DNAH6: variants seen among roughly 807,000 people sequenced by gnomAD.
The protein encoded by DNAH6 is dynein axonemal heavy chain 6.
A neutral mutation model predicts 491.4 loss-of-function variants in DNAH6; 340 were observed. The ratio of observed to expected loss-of-function variants is 0.69; its 90% CI spans 0.63 to 0.76. The LOEUF is 0.76. Among genes scored for constraint, DNAH6 ranks in the 30% least tolerant of loss-of-function variants. The pLI, the probability that DNAH6 is intolerant of heterozygous loss-of-function variation, is 0.00. For missense variants in DNAH6, 4,443 were observed against 4,972.2 expected (o/e 0.89, Z 3.20); for synonymous variants, 1,603 against 1,686.1 (o/e 0.95, Z 1.21).
chr2:84,492,249 C>T, the DNAH6 span, among the ~76,000 whole-genome samples: 1 of 152,278 alleles, frequency 6.6e-6, no homozygotes, highest in East Asian at 1.9e-4. Context: ...GTAGGCTACC[C>T]ACCTTCAAAT....
chr2:84,605,632 C>A, intron 20 of DNAH6, 40 bp downstream of exon 20: 1 of 1,275,714 alleles, frequency 7.8e-7, no homozygotes, highest in Non-Finnish European at 1.1e-6. Flanking sequence ...GTAAAGATCC[C>A]AGCCACACCT....
rs1432436836 is a variant in DNAH6, at chr2:84,621,448, C to T, written c.3968C>T (p.Thr1323Ile). Residue 1323 changes from threonine (T) to isoleucine (I), a missense_variant, in exon 26 of 77, where the codon ACT becomes ATT. This residue lies in a region of DNAH6 where 2,977 missense variants were observed against 3,296.6 expected (regional missense o/e 0.90). Transcript: ENST00000389394. ...VAGHPSQVIL[T>I]VSQIMWCRDL... Reference sequence around the variant, plus strand: ...CATGTTTTCTTGCAGGTTATCCTGACTGTTTCTCAAATTATGTGGTGCCGT... The same window carrying T: ...CATGTTTTCTTGCAGGTTATCCTGATTGTTTCTCAAATTATGTGGTGCCGT... 8 of 1,540,196 alleles carry T rather than the reference C, an allele frequency of 5.2e-6. No homozygotes were observed. Among genetic ancestry groups the T allele is most frequent in the Non-Finnish European group, 7.0e-6 (8 of 1,137,164 alleles).
the DNAH6 span, among the ~76,000 whole-genome samples, chr2:84,490,418 T>C: frequency 6.6e-6 from 1 of 151,852 alleles, no homozygotes; most frequent in Non-Finnish European, 1.5e-5. Flanking sequence ...AATCAAAATA[T>C]AGAACTCCTC....
In DNAH6 at chr2:84,778,608, C is replaced by T. The variant is rs138585751; in HGVS notation, c.10704-2885C>T. Among the ~76,000 whole-genome samples the T allele has an allele frequency of 4.6e-5, 7 of 151,974 alleles. No individual in the cohort carries two copies. The East Asian group carries it at 1.4e-3, about 29-fold the overall frequency. On this transcript the variant is annotated intron_variant, in intron 64 of 76. Transcript: ENST00000389394. The stretch of plus-strand genomic sequence containing the variant: ...TCAACCTCCCCAGGGTCAGGTGATC[C>T]TCCCTCCTGTACCTCCCAAGTAGCT...
chr2:84,797,631 G>A lies in DNAH6; in HGVS notation c.11454G>A (p.Met3818Ile). ...TCGATGACCCAGAAATTTTTGGAAT[G>A]CATGAAAATGCTAATCTAGTCTTCC... ...PLIDDPEIFG[M>I]HENANLVFQY... is the part of the protein sequence containing the mutation. Residue 3818 changes from methionine (M) to isoleucine (I), a missense_variant, in exon 70 of 77, where the codon ATG becomes ATA. By Grantham distance (10) the Met-to-Ile change is conservative. This residue lies in a region of DNAH6 where 1,463 missense variants were observed against 1,656.6 expected (regional missense o/e 0.88). Coordinates refer to ENST00000389394, the MANE Select transcript of DNAH6 (RefSeq NM_001370.2). 6.4e-7 allele frequency: 1 copy of A among 1,551,302 alleles called. No homozygotes were observed. Among genetic ancestry groups the A allele is most frequent in the Non-Finnish European group, 8.7e-7 (1 of 1,146,686 alleles).
chr2:84,535,639 C>G (rs1477022489), intron 4 of DNAH6, among the ~76,000 whole-genome samples: 1 of 150,660 alleles, frequency 6.6e-6, no homozygotes, highest in Non-Finnish European at 1.5e-5. Context: ...TGTGATTTTA[C>G]CAGCTTGTGT....
the DNAH6 span, among the ~76,000 whole-genome samples, chr2:84,507,921 T>G: frequency 1.3e-5 from 2 of 152,228 alleles, no homozygotes; most frequent in East Asian, 1.9e-4. Flanking sequence ...TGAAGCCCAC[T>G]TGATCGTGGT....
At position 84,713,269 on chromosome 2, in the gene DNAH6, A is replaced by G; in HGVS notation, c.9543+10A>G. Reference sequence around the variant, plus strand: ...CCACTATCTGCCTGAGGTATGAACTACTGGTCTGGAATTCTCAACTTAACT... The same window carrying G: ...CCACTATCTGCCTGAGGTATGAACTGCTGGTCTGGAATTCTCAACTTAACT... On this transcript the variant is annotated intron_variant, in intron 57 of 76. Coordinates refer to ENST00000389394, the MANE Select transcript of DNAH6 (RefSeq NM_001370.2). 2.6e-6 allele frequency: 4 copies of G among 1,549,528 alleles called. No individual in the cohort carries two copies. Among genetic ancestry groups the G allele is most frequent in the Non-Finnish European group, 1.7e-6 (2 of 1,145,690 alleles).
rs1355357321 is a variant in DNAH6, at chr2:84,652,766, TACTA to T, written c.5079-549_5079-546del. On this transcript the variant is annotated intron_variant, in intron 33 of 76. Coordinates refer to ENST00000389394, the MANE Select transcript of DNAH6 (RefSeq NM_001370.2). Reference sequence around the variant, plus strand: ...TCTTTTTTCCCATTGAAACATCTCATACTAACTGTTTCCTATAGAAATAGTCACA... The same window carrying T: ...TCTTTTTTCCCATTGAAACATCTCATACTGTTTCCTATAGAAATAGTCACA... 2.0e-5 allele frequency among the ~76,000 whole-genome samples: 3 copies of T among 152,178 alleles called. No individual in the cohort carries two copies. The East Asian group carries it at 5.8e-4, about 29-fold the overall frequency.
intron 40 of DNAH6, among the ~76,000 whole-genome samples, chr2:84,675,493 A>G (rs746278187): frequency 2.6e-5 from 4 of 151,810 alleles, no homozygotes; most frequent in Non-Finnish European, 5.9e-5. Flanking sequence ...CTTCACCCCT[A>G]TGGCCTTGTC....
the DNAH6 span, among the ~76,000 whole-genome samples, chr2:84,507,052 C>A: frequency 6.6e-6 from 1 of 152,114 alleles, no homozygotes; most frequent in Non-Finnish European, 1.5e-5. Flanking sequence ...ACTGCAGGCT[C>A]TTTTTTGGTT....
chr2:84,555,421 T>C (rs1323653313), intron 10 of DNAH6, among the ~76,000 whole-genome samples: 1 of 152,156 alleles, frequency 6.6e-6, no homozygotes, highest in Non-Finnish European at 1.5e-5. Flanking sequence ...ATTTTTTCCT[T>C]CTCAGTCATC....
At chr2:84,669,191 G>A (rs994592268) in intron 37 of DNAH6, 98 bp from the exon 38 acceptor site, 13 of 937,376 alleles carry the variant, frequency 1.4e-5, no homozygotes, top group Middle Eastern at 2.2e-4. Flanking sequence ...ATCCAGTTAG[G>A]TTTTTTGACT....
rs556814660 is a variant in DNAH6 at position 84,744,286 on chromosome 2, G to A, written c.10343-794G>A. Among the ~76,000 whole-genome samples the A allele has an allele frequency of 2.6e-5, 4 of 152,266 alleles. No individual in the cohort carries two copies. The East Asian group carries it at 7.7e-4, about 29-fold the overall frequency. On this transcript the variant is annotated intron_variant, in intron 62 of 76. Coordinates refer to ENST00000389394, the MANE Select transcript of DNAH6 (RefSeq NM_001370.2). ...AACCCAAGAAACCTGTTTCCTTACT[G>A]GAGAACACACTAGTTATTTTGGCTT... is the stretch of plus-strand genomic sequence containing the variant.
intron 68 of DNAH6, among the ~76,000 whole-genome samples, chr2:84,792,654 G>A (rs1026092710): frequency 6.6e-6 from 1 of 152,154 alleles, no homozygotes; most frequent in Non-Finnish European, 1.5e-5. Context: ...GGGCAGTTGT[G>A]TCTTCAACAA....
the DNAH6 span, among the ~76,000 whole-genome samples, chr2:84,460,284 A>G: frequency 6.6e-6 from 1 of 152,234 alleles, no homozygotes; most frequent in Non-Finnish European, 1.5e-5. Context: ...ATTGTCATTA[A>G]CAGGTTGGAC....
the DNAH6 span, among the ~76,000 whole-genome samples, chr2:84,499,697 G>A: frequency 6.6e-6 from 1 of 152,116 alleles, no homozygotes; most frequent in South Asian, 2.1e-4. Context: ...ATCCCCCAGA[G>A]TTTGTTATTG....
At position 84,658,459 on chromosome 2, in the gene DNAH6, A is replaced by T; in HGVS notation, c.5925A>T (p.Gly1975=). 2 of 1,513,992 alleles carry T rather than the reference A, an allele frequency of 1.3e-6. No homozygotes were observed. Among genetic ancestry groups the T allele is most frequent in the Non-Finnish European group, 1.8e-6 (2 of 1,129,448 alleles). The allele number at this position is 1,513,992 out of a possible 1,614,324, so 93.8% of individuals were successfully genotyped here. A position where few individuals can be genotyped will look rare whatever the true frequency, so the allele number is the denominator to read the frequency against. ...AGTCCTTGATACTTGGGAAAGATGG[A>T]GTTAACTTGGCAATGGTATGAAGAG... ...LLESLILGKD[G]VNLAMEQTKL... is the part of the protein sequence containing the mutation. Residue 1975 remains glycine, a synonymous_variant, in exon 36 of 77, where the codon GGA becomes GGT. Transcript: ENST00000389394.
Position 84,658,283 on chromosome 2 carries a change from C to G in DNAH6, c.5758-9C>G. 2 of 1,499,944 alleles carry G rather than the reference C, an allele frequency of 1.3e-6. No individual in the cohort carries two copies. Among genetic ancestry groups the G allele is most frequent in the East Asian group, 5.0e-5 (2 of 39,780 alleles). The allele number at this position is 1,499,944 out of a possible 1,614,324, so 92.9% of individuals were successfully genotyped here. ...GGTCTTGCTAAACTATCATTTGTTT[C>G]ATTTTCAGCTGACTGAGGAAACCCA... On this transcript the variant is annotated splice_polypyrimidine_tract_variant and intron_variant, in intron 35 of 76. Transcript: ENST00000389394.
Sources: allele counts gnomAD v4.1 joint callset (sites outside exome capture counted in the v4.1 genomes callset), GRCh38; gene constraint gnomAD v4.1.1; regional missense constraint gnomAD v4.1.1; transcripts MANE v1.5; gene names NCBI Gene and HGNC (gene_info 2026-07-23, HGNC 2026-07-21).